TP53BP2: variants seen among roughly 807,000 people sequenced by gnomAD.
TP53BP2 encodes the protein apoptosis-stimulating of p53 protein 2.
TP53BP2 carries 62 observed loss-of-function variants against 126.2 expected under a neutral mutation model. The observed-to-expected ratio is 0.49, with a 90% CI of 0.40 to 0.61. The LOEUF is 0.61. TP53BP2 is among the 20% of genes least tolerant of loss of function. The pLI is 0.00. For missense variants in TP53BP2, 1,215 were observed against 1,402.8 expected (o/e 0.87, Z 2.14); for synonymous variants, 485 against 502.9 (o/e 0.96, Z 0.48).
intron 6 of TP53BP2, 136 bp downstream of exon 6, chr1:223,804,038 A>T: frequency 1.2e-6 from 1 of 845,182 alleles, no homozygotes; most frequent in South Asian, 1.8e-5. Flanking sequence ...AACCCCAGCT[A>T]CTCAGGAGGC....
chr1:223,795,283 G>A (rs566267031), intron 13 of TP53BP2, among the ~76,000 whole-genome samples: 17 of 152,332 alleles, frequency 1.1e-4, no homozygotes, highest in Non-Finnish European at 1.9e-4. Context: ...GGAAGAGGCT[G>A]AAGAGGGGCC....
In TP53BP2 at chr1:223,799,939, C is replaced by T; in HGVS notation, c.1445G>A (p.Arg482Lys). ...SNAPPSFGTL[R>K]KNQSSEDILR... ...GATATCTTCACTGCTCTGGTTCTTC[C>T]TCAGAGTACCAAAGGAAGGTGGGGC... The change falls in exon 11 of 18, where the codon AGG becomes AAG. Residue 482 changes from arginine to lysine, a missense_variant. Physicochemically the swap from Arg to Lys is conservative, Grantham distance 26. Transcript: ENST00000343537. 6.2e-7 allele frequency: 1 copy of T among 1,610,818 alleles called. No homozygotes were observed. Among genetic ancestry groups the T allele is most frequent in the East Asian group, 2.2e-5 (1 of 44,812 alleles).
Position 223,804,323 on chromosome 1 carries a change from T to C in TP53BP2, c.500A>G (p.Gln167Arg). 6.2e-7 allele frequency: 1 copy of C among 1,613,768 alleles called. No homozygotes were observed. Among genetic ancestry groups the C allele is most frequent in the South Asian group, 1.1e-5 (1 of 90,958 alleles). ...TKEQRLKFLK[Q>R]QDQRQQQQVA... The stretch of plus-strand genomic sequence containing the variant: ...TTGTTGCTGTTGTCGCTGATCTTGT[T>C]GTTTCAAAAACTTTAAGCGCTGTTC... The change falls in exon 6 of 18, where the codon CAA (glutamine) becomes CGA (arginine). Residue 167 changes from glutamine (Q) to arginine (R), a missense_variant. Coordinates refer to ENST00000343537, the MANE Select transcript of TP53BP2 (RefSeq NM_001031685.3).
chr1:223,814,625 C>A (rs1230468938), intron 2 of TP53BP2, among the ~76,000 whole-genome samples: 1 of 152,136 alleles, frequency 6.6e-6, no homozygotes, highest in African/African-American at 2.4e-5. Context: ...GGGCTCCACG[C>A]TGGCCACAGG....
chr1:223,828,146 C>A (rs1358932949), intron 1 of TP53BP2, among the ~76,000 whole-genome samples: 1 of 152,104 alleles, frequency 6.6e-6, no homozygotes, highest in African/African-American at 2.4e-5. Flanking sequence ...ACTGTTAAAT[C>A]TAAGAAGTTT....
At chr1:223,784,353 A>C (rs895813682) in intron 16 of TP53BP2, 39 bp from the exon 17 acceptor site, 2 of 1,587,068 alleles carry the variant, frequency 1.3e-6, no homozygotes, top group Non-Finnish European at 1.7e-6. Flanking sequence ...AGAATATACA[A>C]CTTGGAGTAT....
intron 2 of TP53BP2, among the ~76,000 whole-genome samples, chr1:223,816,930 C>T (rs1190979526): frequency 2.0e-5 from 3 of 151,110 alleles, no homozygotes; most frequent in Non-Finnish European, 4.4e-5. Context: ...AAGGCTGAGG[C>T]TGGAGGATCA....
chr1:223,803,179 C>T, intron 7 of TP53BP2, 92 bp downstream of exon 7: 4 of 1,426,934 alleles, frequency 2.8e-6, no homozygotes, highest in Non-Finnish European at 3.8e-6. Context: ...TAAGGAAAGG[C>T]AACTGAAATC....
At chr1:223,838,295 T>C (rs1304848499) in intron 1 of TP53BP2, among the ~76,000 whole-genome samples, 1 of 152,168 alleles carries the variant, frequency 6.6e-6, no homozygotes, top group Non-Finnish European at 1.5e-5. Flanking sequence ...TAACTAAATA[T>C]TTGTTGAGCA....
intron 17 of TP53BP2, 59 bp downstream of exon 17, chr1:223,784,056 T>G: frequency 6.6e-7 from 1 of 1,524,560 alleles, no homozygotes; most frequent in Admixed American, 1.7e-5. Flanking sequence ...CATACAGCAG[T>G]TTTTACAAAG....
chr1:223,831,488 T>A lies in TP53BP2; in HGVS notation c.28-10121A>T, dbSNP rs1161926605. On this transcript the variant is annotated intron_variant, in intron 1 of 17. Coordinates refer to ENST00000343537, the MANE Select transcript of TP53BP2 (RefSeq NM_001031685.3). ...ATCTAAAAAAAAAAAAAAATATATA[T>A]ATATATATATATATATATATATATA... Among the ~76,000 whole-genome samples the A allele has an allele frequency of 2.2e-3, 132 of 61,260 alleles. 5 individuals are homozygous for A. The African/African-American group carries it at 0.032, about 15-fold the overall frequency. The allele number at this position is 61,260 out of a possible 152,430, so 40.2% of individuals were successfully genotyped here.
chr1:223,803,653 A>G (rs1662612726), intron 6 of TP53BP2, among the ~76,000 whole-genome samples: 1 of 152,246 alleles, frequency 6.6e-6, no homozygotes, highest in African/African-American at 2.4e-5. Flanking sequence ...ATATCAATGT[A>G]TATTTATCAG....
rs3058420 is a variant in TP53BP2, at chr1:223,825,026, A to AACACACACACAC, written c.28-3671_28-3660dup. Among the ~76,000 whole-genome samples the AACACACACACAC allele has an allele frequency of 8.8e-3, 1,262 of 143,542 alleles. 16 individuals are homozygous for AACACACACACAC. The highest frequency in any genetic ancestry group is 0.025 in the African/African-American group (964 of 38,354). The allele number at this position is 143,542 out of a possible 152,430, so 94.2% of individuals were successfully genotyped here. On this transcript the variant is annotated intron_variant, in intron 1 of 17. Coordinates refer to ENST00000343537, the MANE Select transcript of TP53BP2 (RefSeq NM_001031685.3). ...AACCCTACCTAGAATTCCAACACCA[A>AACACACACACAC]ACACACACACACACACACACACACA... is the stretch of plus-strand genomic sequence containing the variant.
At chr1:223,802,010 G>T (rs12059770) in intron 9 of TP53BP2, 106 bp downstream of exon 9, 102,817 of 1,130,132 alleles carry the variant, frequency 0.091, 5,483 homozygotes, top group African/African-American at 0.21. Flanking sequence ...AGGATTTTTA[G>T]AATTCAAACA....
Position 223,796,171 on chromosome 1 carries a change from G to C in TP53BP2, c.2368C>G (p.Pro790Ala). 1 of 1,614,146 alleles carries C rather than the reference G, an allele frequency of 6.2e-7. No homozygotes were observed. The highest frequency in any genetic ancestry group is 8.5e-7 in the Non-Finnish European group (1 of 1,180,030). The change falls in exon 13 of 18, where the codon CCA (proline) becomes GCA (alanine). Residue 790 changes from proline (P) to alanine (A), a missense_variant. Around this residue, in one of 4 missense-constraint regions of TP53BP2, gnomAD observed 204 missense variants for 225.7 expected, o/e 0.90. Transcript: ENST00000343537. The surrounding 1 kb of genome is among the most constrained non-coding windows in gnomAD (Gnocchi z 4.2). ...AAATATGGATTCTGGATTTCTACTG[G>C]GCTTTCTGAGCTGGCAGTCACAGAA... ...SASVTASSES[P>A]VEIQNPYLHV...
chr1:223,802,234 A>G lies in TP53BP2; in HGVS notation c.1107T>C (p.Pro369=). 6.2e-7 allele frequency: 1 copy of G among 1,614,210 alleles called. No individual in the cohort carries two copies. The highest frequency in any genetic ancestry group is 8.5e-7 in the Non-Finnish European group (1 of 1,180,028). ...GCAGGGCTGGCTTCACCAGCAATTC[A>G]GGCCTTGAGGGCATCCGAGGCATAG... ...SSTMPRMPSR[P]ELLVKPALPD... is the part of the protein sequence containing the mutation. Residue 369 remains proline (P), a synonymous_variant, in exon 9 of 18, where the codon CCT becomes CCC. Coordinates refer to ENST00000343537, the MANE Select transcript of TP53BP2 (RefSeq NM_001031685.3).
At chr1:223,812,598 G>GT (rs962545711) in intron 3 of TP53BP2, among the ~76,000 whole-genome samples, 1 of 151,912 alleles carries the variant, frequency 6.6e-6, no homozygotes, top group African/African-American at 2.4e-5. Flanking sequence ...GTCTTGCTGT[G>GT]TCGCCAGGCT....
chr1:223,781,868 GA>G lies in TP53BP2; in HGVS notation c.3364-975del, dbSNP rs369490746. On this transcript the variant is annotated intron_variant, in intron 17 of 17. Coordinates refer to ENST00000343537, the MANE Select transcript of TP53BP2 (RefSeq NM_001031685.3). ...GTAGAGGATACTTCTAACAAGAAAA[GA>G]TTTTCAAAGTACTAAGAAAATCTAA... Among the ~76,000 whole-genome samples, 995 of 151,802 alleles carry G rather than the reference GA, an allele frequency of 6.6e-3. 6 individuals are homozygous for G. The highest frequency in any genetic ancestry group is 0.023 in the African/African-American group (951 of 41,258).
chr1:223,799,748 A>G, intron 11 of TP53BP2, 151 bp downstream of exon 11: 1 of 715,318 alleles, frequency 1.4e-6, no homozygotes, highest in Non-Finnish European at 2.0e-6. Context: ...CTCACGCAAG[A>G]GAAATTAAAA....
Sources: allele counts gnomAD v4.1 joint callset (sites outside exome capture counted in the v4.1 genomes callset), GRCh38; gene constraint gnomAD v4.1.1; regional missense constraint gnomAD v4.1.1; non-coding constraint Gnocchi (gnomAD v3.1); transcripts MANE v1.5; gene names NCBI Gene and HGNC (gene_info 2026-07-23, HGNC 2026-07-21).